CCDC102B: variants seen among roughly 807,000 people sequenced by gnomAD.
The protein encoded by CCDC102B is coiled-coil domain-containing protein 102B.
Under a neutral mutation model 57.4 loss-of-function variants are expected in CCDC102B, and 75 were observed. The observed-to-expected ratio is 1.31, with a 90% CI of 1.08 to 1.58. CCDC102B has a LOEUF of 1.58. CCDC102B is among the 40% of genes most tolerant of loss of function. The pLI is 0.00. For synonymous variants in CCDC102B, 206 were observed against 201.9 expected (o/e 1.02, Z -0.17); for missense variants, 636 against 582.6 (o/e 1.09, Z -0.94).
chr18:69,035,829 T>G (rs17080104), intron 7 of CCDC102B, among the ~76,000 whole-genome samples: 4,505 of 152,234 alleles, frequency 0.03, 148 homozygotes, highest in East Asian at 0.16. Flanking sequence ...CTTGTAAAGG[T>G]TCTGCATTGC....
At chr18:69,006,666 C>T (rs1292095881) in intron 6 of CCDC102B, among the ~76,000 whole-genome samples, 1 of 148,784 alleles carries the variant, frequency 6.7e-6, no homozygotes, top group Non-Finnish European at 1.5e-5. Flanking sequence ...TGGTCTCAAA[C>T]TCCTGACCTC....
At chr18:68,813,015 G>A (rs1252865709) in intron 1 of CCDC102B, among the ~76,000 whole-genome samples, 2 of 152,006 alleles carry the variant, frequency 1.3e-5, no homozygotes, top group East Asian at 3.9e-4. Context: ...TTGGCTCTGT[G>A]TCCCCATCCA....
intron 4 of CCDC102B, among the ~76,000 whole-genome samples, chr18:68,849,916 A>G (rs1478974192): frequency 1.3e-5 from 2 of 152,076 alleles, no homozygotes. Context: ...TCAGAGGTTC[A>G]CTCAGCTGGA....
At chr18:68,764,327 T>C (rs1403230225) in intron 2 of CCDC102B, among the ~76,000 whole-genome samples, 1 of 152,228 alleles carries the variant, frequency 6.6e-6, no homozygotes, top group Non-Finnish European at 1.5e-5. Context: ...TCTTTGAATG[T>C]ATTATTCCAA....
At chr18:68,940,015 A>G (rs770120911) in intron 6 of CCDC102B, among the ~76,000 whole-genome samples, 4 of 151,236 alleles carry the variant, frequency 2.6e-5, no homozygotes, top group Non-Finnish European at 5.9e-5. Flanking sequence ...TTTCATTTCC[A>G]TTTTTTCCAG....
chr18:68,805,076 A>G (rs1167526679), intron 1 of CCDC102B, among the ~76,000 whole-genome samples: 2 of 152,152 alleles, frequency 1.3e-5, no homozygotes, highest in African/African-American at 4.8e-5. Context: ...AAACAGACAG[A>G]ATAACATATG....
intron 4 of CCDC102B, among the ~76,000 whole-genome samples, chr18:68,868,203 TTAAA>T (rs1264725348): frequency 1.3e-5 from 2 of 152,034 alleles, no homozygotes; most frequent in East Asian, 3.9e-4. Context: ...ATTTTTGAGT[TTAAA>T]TAAATCAACA....
intron 2 of CCDC102B, among the ~76,000 whole-genome samples, chr18:68,741,214 C>G (rs1024259603): frequency 6.6e-6 from 1 of 152,150 alleles, no homozygotes; most frequent in African/African-American, 2.4e-5. Flanking sequence ...CAGTTGCTGT[C>G]AAGGCAAGTG....
intron 6 of CCDC102B, among the ~76,000 whole-genome samples, chr18:68,924,633 G>T (rs2041414426): frequency 6.6e-6 from 1 of 152,034 alleles, no homozygotes; most frequent in African/African-American, 2.4e-5. Context: ...AAATCCTCTG[G>T]ATGCTCAGCT....
intron 4 of CCDC102B, among the ~76,000 whole-genome samples, chr18:68,863,322 G>A (rs62097623): frequency 0.12 from 17,550 of 151,710 alleles, 1,200 homozygotes; most frequent in Admixed American, 0.16. Flanking sequence ...TCTATCCTCT[G>A]TGTCTCCTAC....
intron 2 of CCDC102B, among the ~76,000 whole-genome samples, chr18:68,723,165 G>A (rs556683651): frequency 1.3e-5 from 2 of 152,176 alleles, no homozygotes; most frequent in East Asian, 3.9e-4. Context: ...ATCGGATCTT[G>A]TGGGAACTCA....
At chr18:68,737,612 G>A (rs746655414) in intron 2 of CCDC102B, among the ~76,000 whole-genome samples, 1 of 151,978 alleles carries the variant, frequency 6.6e-6, no homozygotes, top group Non-Finnish European at 1.5e-5. Context: ...CTTATTAATG[G>A]CTATGATTGG....
intron 4 of CCDC102B, among the ~76,000 whole-genome samples, chr18:68,856,856 T>G (rs960723591): frequency 6.6e-6 from 1 of 150,522 alleles, no homozygotes; most frequent in Non-Finnish European, 1.5e-5. Context: ...ATAAAGAACT[T>G]TATATGTGTT....
At chr18:68,717,286 C>T (rs951398601) in intron 2 of CCDC102B, among the ~76,000 whole-genome samples, 5 of 152,030 alleles carry the variant, frequency 3.3e-5, no homozygotes, top group East Asian at 1.9e-4. Context: ...AAATTAGAGA[C>T]GTTGTAATGA....
At chr18:68,973,081 T>G (rs2050342415) in intron 6 of CCDC102B, among the ~76,000 whole-genome samples, 1 of 152,184 alleles carries the variant, frequency 6.6e-6, no homozygotes. Context: ...TTGAGTCTGT[T>G]TATTAGTTTT....
At chr18:69,035,765 A>C (rs2052273741) in intron 7 of CCDC102B, among the ~76,000 whole-genome samples, 1 of 152,110 alleles carries the variant, frequency 6.6e-6, no homozygotes, top group Non-Finnish European at 1.5e-5. Context: ...ATCTGGGCAA[A>C]ATTTACTCTG....
intron 6 of CCDC102B, among the ~76,000 whole-genome samples, chr18:68,978,727 C>G (rs527891695): frequency 9.9e-5 from 15 of 152,036 alleles, no homozygotes; most frequent in Admixed American, 3.9e-4. Context: ...TTCTTCTAAA[C>G]AACTGGCAGG....
intron 3 of CCDC102B, among the ~76,000 whole-genome samples, chr18:68,844,241 T>C (rs1445174691): frequency 6.6e-6 from 1 of 151,910 alleles, no homozygotes; most frequent in African/African-American, 2.4e-5. Flanking sequence ...ACATTTGATT[T>C]CTCAACATGT....
chr18:68,829,861 G>A (rs754282590), intron 1 of CCDC102B, among the ~76,000 whole-genome samples: 12 of 151,908 alleles, frequency 7.9e-5, no homozygotes, highest in East Asian at 1.9e-4. Flanking sequence ...TGGAAATCTC[G>A]ATGAATTCAG....
Sources: gnomAD v4.1 joint callset for allele counts (sites outside exome capture counted in the v4.1 genomes callset) on GRCh38, gnomAD v4.1.1 for gene constraint, MANE v1.5 for transcripts, NCBI Gene and HGNC (gene_info 2026-07-23, HGNC 2026-07-21) for gene names.